Variants in SH2D4B observed in about 807,000 individuals in gnomAD.
SH2D4B encodes SH2 domain containing 4B.
In SH2D4B, 45 loss-of-function variants were observed where a neutral mutation model predicts 61.5. That is an observed-to-expected ratio of 0.73 (90% CI 0.58 to 0.94). The LOEUF is 0.94. SH2D4B is among the 40% of genes least tolerant of loss of function. SH2D4B has a pLI of 0.00. For synonymous variants in SH2D4B, 224 were observed against 220.4 expected, an observed-to-expected ratio of 1.02 and a Z score of -0.14; for missense variants, 572 against 574.2, an observed-to-expected ratio of 1.00 and a Z score of 0.04.
Position 80,571,286 on chromosome 10 carries a change from A to G in SH2D4B, c.348-145A>G, listed in dbSNP as rs903018773. Reference sequence around the variant, plus strand: ...GTGCCGATTTACACTCCCATGCGTGAGAATGCCTATTTCTCCCTGTCTTTG... The same window carrying G: ...GTGCCGATTTACACTCCCATGCGTGGGAATGCCTATTTCTCCCTGTCTTTG... On this transcript the variant is annotated intron_variant, in intron 2 of 7. Transcript: ENST00000646907. 8.2e-6 allele frequency: 7 copies of G among 849,514 alleles called. No individual in the cohort carries two copies. In the South Asian group the frequency reaches 1.1e-4, roughly 13 times the overall value. The allele number at this position is 849,514 out of a possible 1,614,324, so 52.6% of individuals were successfully genotyped here. A position where few individuals can be genotyped will look rare whatever the true frequency, so the allele number is the denominator to read the frequency against.
chr10:80,550,092 G>A (rs963675622), intron 1 of SH2D4B, among the ~76,000 whole-genome samples: 2 of 152,128 alleles, frequency 1.3e-5, no homozygotes, highest in Admixed American at 1.3e-4. Flanking sequence ...TGGGGGAAAG[G>A]GGTCCCTGGA....
At chr10:80,599,594 A>AG (rs1194749641) in intron 4 of SH2D4B, among the ~76,000 whole-genome samples, 2 of 152,178 alleles carry the variant, frequency 1.3e-5, no homozygotes, top group African/African-American at 4.8e-5. Context: ...TGGAGGCCAC[A>AG]GGGGGTCACT....
Position 80,644,795 on chromosome 10 carries a change from T to A in SH2D4B, c.*710T>A, listed in dbSNP as rs528276103. The A allele has an allele frequency of 1.3e-5, 2 of 152,340 alleles. No homozygotes were observed. Among genetic ancestry groups the A allele is most frequent in the African/African-American group, 4.8e-5 (2 of 41,570 alleles). 9.4% of individuals were successfully genotyped at this position (152,340 alleles called of 1,614,324 possible). ...CAATGGTTTTATGTCATCCTACAGA[T>A]GTCTTCAAGACCTGGGGTGAGTTAT... is the stretch of plus-strand genomic sequence containing the variant. On this transcript the variant is annotated 3_prime_UTR_variant, in exon 8 of 8. Transcript: ENST00000646907.
intron 7 of SH2D4B, among the ~76,000 whole-genome samples, chr10:80,641,456 G>A (rs994550377): frequency 3.3e-5 from 5 of 151,950 alleles, no homozygotes; most frequent in African/African-American, 7.3e-5. Context: ...CACCCAGTTC[G>A]AGCTTCCCCA....
At chr10:80,569,532 G>A (rs1000486988) in intron 1 of SH2D4B, among the ~76,000 whole-genome samples, 10 of 138,542 alleles carry the variant, frequency 7.2e-5, no homozygotes, top group Non-Finnish European at 1.3e-4. Context: ...TTATGTTAAG[G>A]GAAGGGGGAA....
chr10:80,583,444 G>A (rs998106969), intron 3 of SH2D4B, among the ~76,000 whole-genome samples: 46 of 149,798 alleles, frequency 3.1e-4, no homozygotes, highest in African/African-American at 8.1e-4. Context: ...TGAGGCGGGC[G>A]GATCACCTGA....
chr10:80,616,235 T>C (rs1471988417), intron 6 of SH2D4B, among the ~76,000 whole-genome samples: 2 of 152,220 alleles, frequency 1.3e-5, no homozygotes, highest in African/African-American at 2.4e-5. Flanking sequence ...CAATCCATCA[T>C]GGCAAGCGAG....
chr10:80,593,988 A>T (rs10881801), intron 4 of SH2D4B, among the ~76,000 whole-genome samples: 18,253 of 151,860 alleles, frequency 0.12, 1,232 homozygotes, highest in East Asian at 0.25. Flanking sequence ...TTATATATAT[A>T]TATTTTTAGC....
chr10:80,549,202 AT>A (rs10583629), intron 1 of SH2D4B, among the ~76,000 whole-genome samples: 19,764 of 80,354 alleles, frequency 0.25, 1,696 homozygotes, highest in Non-Finnish European at 0.28. Context: ...ATGGGACTTG[AT>A]TGTGTGTGTG....
At chr10:80,591,558 G>A (rs1330543212) in intron 4 of SH2D4B, among the ~76,000 whole-genome samples, 1 of 146,522 alleles carries the variant, frequency 6.8e-6, no homozygotes, top group Non-Finnish European at 1.5e-5. Flanking sequence ...CCAGGCTGGA[G>A]TGCAGTGGCG....
intron 4 of SH2D4B, among the ~76,000 whole-genome samples, chr10:80,593,978 T>TTA (rs892892568): frequency 1.3e-4 from 20 of 152,040 alleles, no homozygotes; most frequent in South Asian, 4.2e-4. Flanking sequence ...TCTGGCTAAT[T>TTA]TATATATATA....
At chr10:80,587,902 G>A (rs1564776290) in intron 3 of SH2D4B, among the ~76,000 whole-genome samples, 1 of 152,154 alleles carries the variant, frequency 6.6e-6, no homozygotes, top group Admixed American at 6.5e-5. Flanking sequence ...ATGCATCTAT[G>A]TTACTGCAGA....
intron 1 of SH2D4B, among the ~76,000 whole-genome samples, chr10:80,545,304 C>T (rs550301406): frequency 2.2e-4 from 33 of 152,206 alleles, no homozygotes; most frequent in South Asian, 1.7e-3. Flanking sequence ...TCTGTCTCCG[C>T]GAATTTGCCT....
chr10:80,617,086 G>T (rs1272860480), intron 6 of SH2D4B, among the ~76,000 whole-genome samples: 2 of 152,260 alleles, frequency 1.3e-5, no homozygotes, highest in Middle Eastern at 3.2e-3. Flanking sequence ...GGTGATCTGG[G>T]TTCAGAATCC....
chr10:80,574,945 C>T (rs182301145), intron 3 of SH2D4B, among the ~76,000 whole-genome samples: 1 of 152,170 alleles, frequency 6.6e-6, no homozygotes, highest in East Asian at 1.9e-4. Flanking sequence ...AAGTGATCCA[C>T]CCACCTTGGC....
chr10:80,587,154 T>G (rs1456816745), intron 3 of SH2D4B, among the ~76,000 whole-genome samples: 1,848 of 99,012 alleles, frequency 0.019, 49 homozygotes, highest in Non-Finnish European at 0.025. Flanking sequence ...TTGTTTTGTT[T>G]TTTTTTTTTT....
chr10:80,630,508 C>T (rs1357557284), intron 6 of SH2D4B, among the ~76,000 whole-genome samples: 3 of 152,192 alleles, frequency 2.0e-5, no homozygotes, highest in African/African-American at 7.2e-5. Flanking sequence ...TAAAGGATTT[C>T]CTGATCAGCT....
chr10:80,540,903 C>T (rs1841569603), intron 1 of SH2D4B: 1 of 1,551,394 alleles, frequency 6.4e-7, no homozygotes, highest in Admixed American at 2.0e-5. Flanking sequence ...CTTGATGTTG[C>T]CAGAGGACTC....
chr10:80,570,282 CGGCTGCA>C lies in SH2D4B; in HGVS notation c.317_323del (p.Leu106HisfsTer87), dbSNP rs1564770974. ...TGAGGAGCTGATTGCAGAGAGGGCG[CGGCTGCA>C]GGCACAGAGGGAAGCTGAGGAGCTC... On this transcript the variant is annotated frameshift_variant, in exon 2 of 8. Transcript: ENST00000646907. LOFTEE classifies it high-confidence loss of function. 6.2e-7 allele frequency: 1 copy of C among 1,613,460 alleles called. No individual in the cohort carries two copies. The highest frequency in any genetic ancestry group is 1.7e-5 in the Admixed American group (1 of 59,996).
Sources: allele counts gnomAD v4.1 joint callset (sites outside exome capture counted in the v4.1 genomes callset), GRCh38; gene constraint gnomAD v4.1.1; transcripts MANE v1.5; gene names NCBI Gene and HGNC (gene_info 2026-07-23, HGNC 2026-07-21).